Variants in PPP1R12A observed in about 807,000 individuals in gnomAD.
PPP1R12A encodes protein phosphatase 1 regulatory subunit 12A.
Under a neutral mutation model 139.6 loss-of-function variants are expected in PPP1R12A, and 19 were observed. The observed-to-expected ratio is 0.14, with a 90% CI of 0.09 to 0.20. The LOEUF is 0.20. Among genes scored for constraint, PPP1R12A ranks in the 10% least tolerant of loss-of-function variants. The pLI is 1.00. For synonymous variants in PPP1R12A, 427 were observed against 420.6 expected (o/e 1.02, Z -0.19); for missense variants, 925 against 1,211.5 (o/e 0.76, Z 3.51).
At chr12:79,837,590 C>T (rs1286980653) in intron 3 of PPP1R12A, among the ~76,000 whole-genome samples, 1 of 152,040 alleles carries the variant, frequency 6.6e-6, no homozygotes, top group Admixed American at 6.6e-5. Context: ...AATTGTAGTT[C>T]CCATAATCCC....
At chr12:79,834,111 A>G (rs1877795483) in intron 3 of PPP1R12A, among the ~76,000 whole-genome samples, 1 of 152,202 alleles carries the variant, frequency 6.6e-6, no homozygotes, top group African/African-American at 2.4e-5. Flanking sequence ...ATATGGCAGA[A>G]GATGATTCAT....
chr12:79,853,871 C>A (rs902366729), intron 2 of PPP1R12A, among the ~76,000 whole-genome samples: 2 of 152,188 alleles, frequency 1.3e-5, no homozygotes, highest in East Asian at 3.8e-4. Flanking sequence ...AAATCTTTTA[C>A]AATCAATGAA....
rs1312803942 is a variant in PPP1R12A, at chr12:79,845,930, A to AAAAAT, written c.369-511_369-510insATTTT. 3.9e-3 allele frequency among the ~76,000 whole-genome samples: 594 copies of AAAAAT among 152,296 alleles called. 1 individual carries two copies. The highest frequency in any genetic ancestry group is 6.2e-3 in the Non-Finnish European group (425 of 68,006). ...TTTAATAATAATTAGAAAGTCTCAT[A>AAAAAT]GGATCCACCTCCACTGAGACTTCTC... is the stretch of plus-strand genomic sequence containing the variant. On this transcript the variant is annotated intron_variant, in intron 2 of 24. Transcript: ENST00000450142.
intron 2 of PPP1R12A, among the ~76,000 whole-genome samples, chr12:79,855,399 T>G (rs1245222080): frequency 6.6e-6 from 1 of 152,084 alleles, no homozygotes; most frequent in African/African-American, 2.4e-5. Context: ...ACAAAGAAAA[T>G]TTCATGTCTT....
Position 79,806,336 on chromosome 12 carries a change from A to G in PPP1R12A, c.1656-3T>C, listed in dbSNP as rs564024989. The G allele has an allele frequency of 1.2e-6, 2 of 1,611,998 alleles. No homozygotes were observed. The highest frequency in any genetic ancestry group is 2.2e-5 in the East Asian group (1 of 44,862). On this transcript the variant is annotated splice_region_variant and splice_polypyrimidine_tract_variant and intron_variant, in intron 12 of 24. Transcript: ENST00000450142. ...CTTGTCTTCTACCAAAGGAGCAACTAAACAAAAGAGTCATATCTATATAGG... is the reference window on the plus strand; with the variant it reads ...CTTGTCTTCTACCAAAGGAGCAACTGAACAAAAGAGTCATATCTATATAGG...
intron 18 of PPP1R12A, among the ~76,000 whole-genome samples, chr12:79,794,720 C>T (rs1369617011): frequency 6.6e-6 from 1 of 151,564 alleles, no homozygotes; most frequent in Non-Finnish European, 1.5e-5. Context: ...AGAGATGGGT[C>T]AGTTTAACAG....
At chr12:79,845,513 C>A in intron 2 of PPP1R12A, 93 bp from the exon 3 acceptor site, 1 of 931,318 alleles carries the variant, frequency 1.1e-6, no homozygotes, top group Non-Finnish European at 1.6e-6. Flanking sequence ...CTATATAAAG[C>A]AGCAATAAAG....
chr12:79,845,050 A>C (rs550983461), intron 3 of PPP1R12A, among the ~76,000 whole-genome samples: 54 of 152,278 alleles, frequency 3.5e-4, no homozygotes, highest in African/African-American at 1.2e-3. Context: ...ATTTTGCTCC[A>C]AAACTTTTAC....
chr12:79,808,773 C>T (rs1047593996), intron 10 of PPP1R12A, among the ~76,000 whole-genome samples, 196 bp from the exon 11 acceptor site: 9 of 152,060 alleles, frequency 5.9e-5, no homozygotes, highest in Non-Finnish European at 1.2e-4. Flanking sequence ...TTTTCTTTCT[C>T]TTTTAGCCTG....
chr12:79,792,979 C>T (rs189124272), intron 19 of PPP1R12A, among the ~76,000 whole-genome samples: 26 of 152,268 alleles, frequency 1.7e-4, no homozygotes, highest in Admixed American at 1.6e-3. Context: ...AAATAATGTT[C>T]ACCGTCACCT....
chr12:79,910,162 G>A (rs1199255110), intron 1 of PPP1R12A, among the ~76,000 whole-genome samples: 2 of 152,140 alleles, frequency 1.3e-5, no homozygotes, highest in African/African-American at 4.8e-5. Flanking sequence ...ATAATGGGAT[G>A]GGATAACTAC....
intron 1 of PPP1R12A, among the ~76,000 whole-genome samples, chr12:79,889,686 AAAAAG>A (rs1272290736): frequency 6.6e-6 from 1 of 152,212 alleles, no homozygotes; most frequent in Non-Finnish European, 1.5e-5. Context: ...AGAAAAAATT[AAAAAG>A]AAATGGTGGG....
At chr12:79,920,738 G>T (rs759210275) in intron 1 of PPP1R12A, among the ~76,000 whole-genome samples, 2 of 152,110 alleles carry the variant, frequency 1.3e-5, no homozygotes, top group Non-Finnish European at 2.9e-5. Context: ...TATCACACTC[G>T]GCCCCCTCAC....
Position 79,795,627 on chromosome 12 carries a change from T to C in PPP1R12A, c.2583+11A>G, listed in dbSNP as rs763929540. 8.7e-6 allele frequency: 14 copies of C among 1,603,874 alleles called. No individual in the cohort carries two copies. Among genetic ancestry groups the C allele is most frequent in the Non-Finnish European group, 1.2e-5 (14 of 1,176,518 alleles). Reference sequence around the variant, plus strand: ...AATACTATCAAATAATGTATTTTAATAGGTTCTCACATCTTGTGTCCAAAA... The same window carrying C: ...AATACTATCAAATAATGTATTTTAACAGGTTCTCACATCTTGTGTCCAAAA... On this transcript the variant is annotated intron_variant, in intron 18 of 24. Coordinates refer to ENST00000450142, the MANE Select transcript of PPP1R12A (RefSeq NM_002480.3).
chr12:79,776,767 ATACTC>A (rs987462204), intron 24 of PPP1R12A, among the ~76,000 whole-genome samples: 28 of 152,212 alleles, frequency 1.8e-4, no homozygotes, highest in African/African-American at 5.8e-4. Flanking sequence ...AGTTAACTGA[ATACTC>A]TACTAAGGAT....
chr12:79,922,152 C>A (rs1449198624), intron 1 of PPP1R12A, among the ~76,000 whole-genome samples: 2 of 152,122 alleles, frequency 1.3e-5, no homozygotes, highest in Non-Finnish European at 2.9e-5. Context: ...GTCTCAGCTA[C>A]TCAAAAGGCT....
chr12:79,777,188 G>T (rs1286249443), intron 24 of PPP1R12A: 1 of 898,404 alleles, frequency 1.1e-6, no homozygotes, highest in Non-Finnish European at 1.3e-6. Flanking sequence ...ATATACTGTT[G>T]GTTTTCTCTC....
rs1239657989 is a variant in PPP1R12A at position 79,797,211 on chromosome 12, G to A, written c.2276C>T (p.Ser759Phe). The change falls in exon 16 of 25, where the codon TCC (serine) becomes TTC (phenylalanine). Residue 759 changes from serine to phenylalanine, a missense_variant. Ser to Phe is a radical substitution (Grantham distance 155). Around this residue, in one of 4 missense-constraint regions of PPP1R12A, gnomAD observed 315 missense variants for 363.4 expected, o/e 0.87. Transcript: ENST00000450142. Reference protein sequence around the residue: ...SREDEYKQKYSRTYDETYQRY... With the variant: ...SREDEYKQKYFRTYDETYQRY... ...TACTGTTACCTCATCATACGTTCTGGAGTACTTTTGTTTATATTCATCTTC... is the reference window on the plus strand; with the variant it reads ...TACTGTTACCTCATCATACGTTCTGAAGTACTTTTGTTTATATTCATCTTC... 1 of 1,586,082 alleles carries A rather than the reference G, an allele frequency of 6.3e-7. No individual in the cohort carries two copies. The highest frequency in any genetic ancestry group is 1.3e-5 in the African/African-American group (1 of 74,088).
At chr12:79,918,421 G>A (rs972168383) in intron 1 of PPP1R12A, among the ~76,000 whole-genome samples, 1 of 152,046 alleles carries the variant, frequency 6.6e-6, no homozygotes, top group Non-Finnish European at 1.5e-5. Flanking sequence ...TTGTTTACTT[G>A]ACTGTCTCCT....
Sources: allele counts gnomAD v4.1 joint callset (sites outside exome capture counted in the v4.1 genomes callset), GRCh38; gene constraint gnomAD v4.1.1; regional missense constraint gnomAD v4.1.1; transcripts MANE v1.5; gene names NCBI Gene and HGNC (gene_info 2026-07-23, HGNC 2026-07-21).